The following AFF1 variants were observed in gnomAD, a reference collection of about 807,000 sequenced individuals.
AFF1 encodes the protein AF4/FMR2 family member 1.
AFF1 carries 48 observed loss-of-function variants against 121.7 expected under a neutral mutation model. That is an observed-to-expected ratio of 0.39 (90% CI 0.31 to 0.50). The LOEUF (loss-of-function observed/expected upper bound fraction) is 0.50, where lower values mean the gene tolerates loss of function less well. AFF1 is among the 20% of genes least tolerant of loss of function. The pLI is 0.76. For missense variants in AFF1, 1,523 were observed against 1,511.7 expected, an observed-to-expected ratio of 1.01 and a Z score of -0.12; for synonymous variants, 613 against 563.0, an observed-to-expected ratio of 1.09 and a Z score of -1.26.
intron 2 of AFF1, among the ~76,000 whole-genome samples, chr4:87,043,211 T>G (rs6839933): frequency 0.37 from 55,607 of 152,018 alleles, 13,005 homozygotes; most frequent in African/African-American, 0.66. Context: ...CTCTGCTGTT[T>G]TAAGTGGCAT....
intron 2 of AFF1, among the ~76,000 whole-genome samples, chr4:87,036,450 C>T (rs1184183560): frequency 6.6e-6 from 1 of 152,020 alleles, no homozygotes; most frequent in Non-Finnish European, 1.5e-5. Context: ...TACGTGCTGG[C>T]CTTGCTCACT....
At chr4:87,050,722 G>A (rs977700382) in intron 4 of AFF1, among the ~76,000 whole-genome samples, 2 of 152,324 alleles carry the variant, frequency 1.3e-5, no homozygotes, top group South Asian at 2.1e-4. Flanking sequence ...TTAGTTTTAC[G>A]TCAACTGGAA....
chr4:87,089,743 G>A (rs757383343), intron 5 of AFF1, among the ~76,000 whole-genome samples: 3 of 152,112 alleles, frequency 2.0e-5, no homozygotes, highest in Non-Finnish European at 2.9e-5. Flanking sequence ...ATTCATTCAC[G>A]TTCTATACCT....
chr4:86,995,340 C>T (rs1485327544), intron 2 of AFF1, among the ~76,000 whole-genome samples: 1 of 138,744 alleles, frequency 7.2e-6, no homozygotes, highest in African/African-American at 3.0e-5. Flanking sequence ...CCTCTCTTTC[C>T]ACGGTCTCCC....
chr4:87,056,738 T>C (rs1444689334), intron 4 of AFF1, among the ~76,000 whole-genome samples: 1 of 152,236 alleles, frequency 6.6e-6, no homozygotes, highest in Non-Finnish European at 1.5e-5. Flanking sequence ...GTAAATTTAT[T>C]ATGACATAGC....
At chr4:87,026,597 G>C (rs1225303915) in intron 2 of AFF1, among the ~76,000 whole-genome samples, 1 of 152,138 alleles carries the variant, frequency 6.6e-6, no homozygotes, top group Non-Finnish European at 1.5e-5. Context: ...TTGGAGGTGA[G>C]GAGGGCCCGT....
intron 2 of AFF1, among the ~76,000 whole-genome samples, chr4:87,011,984 G>A (rs1726811136): frequency 6.6e-6 from 1 of 152,140 alleles, no homozygotes; most frequent in African/African-American, 2.4e-5. Flanking sequence ...GGGTTTTTGT[G>A]CGTGCTGCAT....
chr4:87,047,567 A>G lies in AFF1; in HGVS notation c.1032A>G (p.Lys344=). The change falls in exon 4 of 21, where the codon AAA becomes AAG. Residue 344 remains lysine, a synonymous_variant. Transcript: ENST00000395146. Reference sequence around the variant, plus strand: ...TGCCTGCCAAAGCCAAGCTCACCAAACTGAAGATGCCTTCTCAGTCAGTTG... The same window carrying G: ...TGCCTGCCAAAGCCAAGCTCACCAAGCTGAAGATGCCTTCTCAGTCAGTTG... The part of the protein sequence containing the change: ...LKVPAKAKLT[K]LKMPSQSVEQ... 1 of 1,614,180 alleles carries G rather than the reference A, an allele frequency of 6.2e-7. No homozygotes were observed. The highest frequency in any genetic ancestry group is 8.5e-7 in the Non-Finnish European group (1 of 1,180,026).
At chr4:87,063,207 A>G (rs577761702) in intron 4 of AFF1, among the ~76,000 whole-genome samples, 98 of 138,938 alleles carry the variant, frequency 7.1e-4, no homozygotes, top group Non-Finnish European at 1.3e-3. Context: ...GTCTAAATGT[A>G]TAAGCATAGT....
intron 2 of AFF1, among the ~76,000 whole-genome samples, chr4:86,991,854 T>TTA (rs371199846): frequency 9.4e-5 from 14 of 148,490 alleles, no homozygotes; most frequent in African/African-American, 3.6e-4. Context: ...TTTTTTTTTT[T>TTA]ACATCCTTTT....
intron 2 of AFF1, among the ~76,000 whole-genome samples, chr4:86,986,025 A>AAATTTAATTT (rs1208663779): frequency 8.1e-5 from 11 of 136,530 alleles, no homozygotes; most frequent in South Asian, 4.8e-4. Context: ...CCTTTTTTTA[A>AAATTTAATTT]AATTTAATTC....
chr4:87,102,935 G>T (rs542141852), intron 8 of AFF1, among the ~76,000 whole-genome samples: 1 of 152,122 alleles, frequency 6.6e-6, no homozygotes, highest in East Asian at 1.9e-4. Flanking sequence ...TACAGTTTGT[G>T]GGACAGGCAG....
At chr4:87,082,443 A>G (rs1165288798) in intron 4 of AFF1, among the ~76,000 whole-genome samples, 1 of 152,108 alleles carries the variant, frequency 6.6e-6, no homozygotes, top group African/African-American at 2.4e-5. Context: ...TGTAAGGGAC[A>G]CCCTTGATTC....
intron 6 of AFF1, 88 bp from the exon 7 acceptor site, chr4:87,091,705 C>T: frequency 3.4e-6 from 3 of 873,808 alleles, no homozygotes; most frequent in East Asian, 2.8e-5. Context: ...ATAAGACTAT[C>T]CTTTTAATAC....
At chr4:87,074,687 A>G (rs1722475671) in intron 4 of AFF1, among the ~76,000 whole-genome samples, 1 of 152,246 alleles carries the variant, frequency 6.6e-6, no homozygotes, top group African/African-American at 2.4e-5. Context: ...TGCGTATAAA[A>G]CATCAACACT....
chr4:87,026,467 C>T (rs1273009100), intron 2 of AFF1, among the ~76,000 whole-genome samples: 1 of 152,138 alleles, frequency 6.6e-6, no homozygotes, highest in Admixed American at 6.5e-5. Context: ...TGTTGCTGAG[C>T]CTCCTCTCTG....
intron 12 of AFF1, among the ~76,000 whole-genome samples, chr4:87,119,552 C>G (rs953422639): frequency 6.6e-6 from 1 of 152,172 alleles, no homozygotes; most frequent in Non-Finnish European, 1.5e-5. Flanking sequence ...GCATGGGCAA[C>G]AGAGTAAGAC....
chr4:87,103,821 C>T (rs1006706465), intron 8 of AFF1, among the ~76,000 whole-genome samples: 3 of 152,178 alleles, frequency 2.0e-5, no homozygotes, highest in African/African-American at 7.2e-5. Context: ...ATTGATGTTA[C>T]AGGAATTAAG....
At chr4:87,006,777 C>G (rs139515553) in intron 2 of AFF1, among the ~76,000 whole-genome samples, 1 of 152,216 alleles carries the variant, frequency 6.6e-6, no homozygotes, top group Admixed American at 6.5e-5. Context: ...AGAGCACTCT[C>G]GAGGAGCCCG....
Sources: allele counts gnomAD v4.1 joint callset (sites outside exome capture counted in the v4.1 genomes callset), GRCh38; gene constraint gnomAD v4.1.1; transcripts MANE v1.5; gene names NCBI Gene and HGNC (gene_info 2026-07-23, HGNC 2026-07-21).